Variants in AKT3 observed in about 807,000 individuals in gnomAD.
The protein encoded by AKT3 is AKT serine/threonine kinase 3, also known as RAC-gamma serine/threonine-protein kinase.
In AKT3, 15 loss-of-function variants were observed where a neutral mutation model predicts 65.3. That is an observed-to-expected ratio of 0.23 (90% CI 0.15 to 0.35). The LOEUF is 0.35. AKT3 is among the 10% of genes least tolerant of loss of function. The probability of loss-of-function intolerance (pLI) is 1.00; values close to 1 mark genes in which losing one functional copy is unlikely to be tolerated. For synonymous variants in AKT3, 206 were observed against 183.8 expected (o/e 1.12, Z -0.98); for missense variants, 243 against 576.5 (o/e 0.42, Z 5.92).
intron 12 of AKT3, among the ~76,000 whole-genome samples, chr1:243,533,179 G>A (rs1366210196): frequency 2.0e-5 from 3 of 151,938 alleles, no homozygotes; most frequent in African/African-American, 7.3e-5. Context: ...CAATAAATTG[G>A]TTAACCAAAA....
At chr1:243,789,146 A>G (rs1467256758) in intron 2 of AKT3, among the ~76,000 whole-genome samples, 1 of 152,236 alleles carries the variant, frequency 6.6e-6, no homozygotes, top group Non-Finnish European at 1.5e-5. Flanking sequence ...GGGAGGCCAA[A>G]GCAGGAGGAT....
intron 2 of AKT3, among the ~76,000 whole-genome samples, chr1:243,736,341 T>C (rs1386994632): frequency 6.6e-6 from 1 of 152,180 alleles, no homozygotes; most frequent in African/African-American, 2.4e-5. Flanking sequence ...TTACCAATCA[T>C]TGTCTTAGTG....
intron 8 of AKT3, among the ~76,000 whole-genome samples, chr1:243,607,141 C>T (rs539294520): frequency 6.6e-6 from 1 of 152,316 alleles, no homozygotes; most frequent in African/African-American, 2.4e-5. Flanking sequence ...GTGTTGTAGC[C>T]CCCACACAGA....
At chr1:243,678,926 G>A (rs1269572568) in intron 3 of AKT3, among the ~76,000 whole-genome samples, 1 of 151,818 alleles carries the variant, frequency 6.6e-6, no homozygotes, top group African/African-American at 2.4e-5. Context: ...TACACCAAAT[G>A]TGCCTATCTC....
chr1:243,763,413 A>C (rs924720006), intron 2 of AKT3, among the ~76,000 whole-genome samples: 2 of 152,118 alleles, frequency 1.3e-5, no homozygotes, highest in African/African-American at 4.8e-5. Flanking sequence ...TTTACTGTGA[A>C]TCACTTGGAA....
intron 4 of AKT3, among the ~76,000 whole-genome samples, chr1:243,661,305 C>T (rs1682304219): frequency 6.6e-6 from 1 of 152,200 alleles, no homozygotes; most frequent in Non-Finnish European, 1.5e-5. Context: ...TGACTTCAAA[C>T]TACACTACAA....
chr1:243,790,958 G>A (rs1294791572), intron 2 of AKT3, among the ~76,000 whole-genome samples: 1 of 152,114 alleles, frequency 6.6e-6, no homozygotes, highest in Non-Finnish European at 1.5e-5. Context: ...CTGATCATAG[G>A]TCACCATAAC....
downstream of AKT3, among the ~76,000 whole-genome samples, chr1:243,497,343 G>GC (rs1158343449): frequency 6.8e-6 from 1 of 146,380 alleles, no homozygotes; most frequent in Non-Finnish European, 1.5e-5. Context: ...CGGGTGGGGG[G>GC]GGGGGCGTTG....
chr1:243,591,028 C>G (rs1475671081), intron 8 of AKT3, among the ~76,000 whole-genome samples: 1 of 152,126 alleles, frequency 6.6e-6, no homozygotes, highest in Non-Finnish European at 1.5e-5. Flanking sequence ...CTACGAGGAT[C>G]CTTGATTTAA....
chr1:243,596,010 A>T (rs752795452), intron 8 of AKT3, among the ~76,000 whole-genome samples: 8 of 152,224 alleles, frequency 5.3e-5, no homozygotes, highest in Non-Finnish European at 8.8e-5. Flanking sequence ...TCACCAAAAC[A>T]TGTGAGTAAT....
intron 10 of AKT3, among the ~76,000 whole-genome samples, chr1:243,558,179 C>T (rs1370587432): frequency 6.6e-6 from 1 of 152,044 alleles, no homozygotes; most frequent in Non-Finnish European, 1.5e-5. Flanking sequence ...ACATTTCAAG[C>T]AAGTTAGCTT....
chr1:243,541,281 A>G (rs1245323585), intron 12 of AKT3, among the ~76,000 whole-genome samples: 1 of 152,160 alleles, frequency 6.6e-6, no homozygotes, highest in African/African-American at 2.4e-5. Flanking sequence ...TATTTAGACA[A>G]TCAATCACTT....
intron 8 of AKT3, among the ~76,000 whole-genome samples, chr1:243,606,971 G>A (rs1182685080): frequency 6.6e-6 from 1 of 152,270 alleles, no homozygotes; most frequent in African/African-American, 2.4e-5. Flanking sequence ...CAGCTTCCAT[G>A]TGGTGTTGGT....
rs555298242 is a variant in AKT3 at position 243,592,661 on chromosome 1, G to C, written c.697-19613C>G. Among the ~76,000 whole-genome samples, 3 of 152,282 alleles carry C rather than the reference G, an allele frequency of 2.0e-5. No individual in the cohort carries two copies. In the South Asian group the frequency reaches 6.2e-4, roughly 32 times the overall value. On this transcript the variant is annotated intron_variant, in intron 8 of 13. Transcript: ENST00000673466. ...AAGCCATTATCAGACATGTAGGTTA[G>C]AGAACTCACCACCAGAGACACTGAA...
At position 243,503,331 on chromosome 1, in the gene AKT3, A is replaced by G. The variant is rs1164628235; in HGVS notation, c.*1918T>C. The G allele has an allele frequency of 4.3e-6, 1 of 233,688 alleles. No individual in the cohort carries two copies. Among genetic ancestry groups the G allele is most frequent in the Non-Finnish European group, 8.5e-6 (1 of 118,032 alleles). 14.5% of individuals were successfully genotyped at this position (233,688 alleles called of 1,614,324 possible). On this transcript the variant is annotated 3_prime_UTR_variant, in exon 14 of 14. Transcript: ENST00000673466. ...TTCATAGCTATAAATCCACACTTCC[A>G]GCGTCAAGAGGCTAAGACATCTGCA...
At chr1:243,569,848 T>C (rs1341911939) in intron 9 of AKT3, among the ~76,000 whole-genome samples, 1 of 152,200 alleles carries the variant, frequency 6.6e-6, no homozygotes, top group Non-Finnish European at 1.5e-5. Context: ...GCCATGGTCA[T>C]TGGTTGTATT....
intron 6 of AKT3, among the ~76,000 whole-genome samples, chr1:243,623,637 C>G (rs1297110114): frequency 6.6e-6 from 1 of 152,132 alleles, no homozygotes; most frequent in South Asian, 2.1e-4. Context: ...AGGCTTTATA[C>G]CAGCAACTCC....
rs535953187 is a variant in AKT3, at chr1:243,700,895, A to G, written c.47-5179T>C. The stretch of plus-strand genomic sequence containing the variant: ...CTAAAAGATCTGGATAGGATATTCA[A>G]ATAAATCATCTTTATCATGAATTAT... On this transcript the variant is annotated intron_variant, in intron 2 of 13. Transcript: ENST00000673466. 6.6e-5 allele frequency among the ~76,000 whole-genome samples: 10 copies of G among 152,322 alleles called. No individual in the cohort carries two copies. The East Asian group carries it at 1.9e-3, about 29-fold the overall frequency.
rs561518908 is a variant in AKT3 at position 243,650,280 on chromosome 1, A to G, written c.285-4243T>C. On this transcript the variant is annotated intron_variant, in intron 4 of 13. Transcript: ENST00000673466. ...TTGTTTTCTTCTTATAAATTTGTTTAAGTTCTTTGTAGATTCTGGATATTA... is the reference window on the plus strand; with the variant it reads ...TTGTTTTCTTCTTATAAATTTGTTTGAGTTCTTTGTAGATTCTGGATATTA... Among the ~76,000 whole-genome samples, 18 of 152,118 alleles carry G rather than the reference A, an allele frequency of 1.2e-4. No homozygotes were observed. The South Asian group carries it at 3.7e-3, about 32-fold the overall frequency.
Sources: allele counts gnomAD v4.1 joint callset (sites outside exome capture counted in the v4.1 genomes callset), GRCh38; gene constraint gnomAD v4.1.1; transcripts MANE v1.5; gene names NCBI Gene and HGNC (gene_info 2026-07-23, HGNC 2026-07-21).